The following EFCAB14 variants were observed in gnomAD, a reference collection of about 807,000 sequenced individuals.
EFCAB14 encodes the protein EF-hand calcium-binding domain-containing protein 14.
In EFCAB14, 43 loss-of-function variants were observed where a neutral mutation model predicts 56.5. The ratio of observed to expected loss-of-function variants is 0.76; its 90% CI spans 0.60 to 0.98. The LOEUF (loss-of-function observed/expected upper bound fraction) is 0.98. Among genes scored for constraint, EFCAB14 ranks in the 50% least tolerant of loss-of-function variants. The probability of loss-of-function intolerance (pLI) is 0.00; values close to 1 mark genes in which losing one functional copy is unlikely to be tolerated. For synonymous variants in EFCAB14, 235 were observed against 212.9 expected, an observed-to-expected ratio of 1.10 and a Z score of -0.90; for missense variants, 538 against 580.3, an observed-to-expected ratio of 0.93 and a Z score of 0.75.
At chr1:46,714,305 C>A (rs1677353708) in intron 2 of EFCAB14, among the ~76,000 whole-genome samples, 1 of 151,886 alleles carries the variant, frequency 6.6e-6, no homozygotes, top group South Asian at 2.1e-4. Flanking sequence ...CTTGAGAAAG[C>A]CTTGTGGTCA....
At chr1:46,681,309 G>A (rs896388639) in intron 10 of EFCAB14, among the ~76,000 whole-genome samples, 1 of 152,088 alleles carries the variant, frequency 6.6e-6, no homozygotes, top group East Asian at 1.9e-4. Flanking sequence ...TCAAATAGAA[G>A]ATTTAATATC....
chr1:46,717,808 C>T, intron 1 of EFCAB14, 95 bp downstream of exon 1: 4 of 1,378,336 alleles, frequency 2.9e-6, no homozygotes, highest in South Asian at 2.8e-5. Context: ...ACCCTTTTTT[C>T]TTCCTAAGGA....
chr1:46,716,073 C>A (rs376276776), intron 2 of EFCAB14, among the ~76,000 whole-genome samples: 226 of 151,852 alleles, frequency 1.5e-3, no homozygotes, highest in African/African-American at 5.3e-3. Context: ...CATGGTGAAA[C>A]CCCGTCTCTA....
At position 46,718,167 on chromosome 1, in the gene EFCAB14, G is replaced by A. The variant is rs1378662187; in HGVS notation, c.-80C>T. The A allele has an allele frequency of 5.4e-6, 8 of 1,490,972 alleles. No individual in the cohort carries two copies. The East Asian group carries it at 1.6e-4, about 30-fold the overall frequency. The allele number at this position is 1,490,972 out of a possible 1,614,324, so 92.4% of individuals were successfully genotyped here. The stretch of plus-strand genomic sequence containing the variant: ...GATGCCCAATTCTCTTCCTGCCTTG[G>A]AGCTGCCTTCCAGGGTTGGGAATCC... On this transcript the variant is annotated 5_prime_UTR_variant, in exon 1 of 11. Coordinates refer to ENST00000371933, the MANE Select transcript of EFCAB14 (RefSeq NM_014774.3).
chr1:46,715,482 T>G (rs144754380), intron 2 of EFCAB14, among the ~76,000 whole-genome samples: 67 of 152,308 alleles, frequency 4.4e-4, no homozygotes, highest in African/African-American at 1.6e-3. Context: ...TCCACAAATG[T>G]TAGCTACTCT....
intron 8 of EFCAB14, 195 bp downstream of exon 8, chr1:46,686,589 A>G: frequency 5.0e-6 from 3 of 596,306 alleles, no homozygotes; most frequent in South Asian, 3.9e-5. Flanking sequence ...AGCTCCTACT[A>G]AAGTGTTTGG....
intron 3 of EFCAB14, among the ~76,000 whole-genome samples, chr1:46,697,012 A>T (rs1370153640): frequency 1.3e-5 from 2 of 152,244 alleles, no homozygotes; most frequent in Admixed American, 6.5e-5. Context: ...ATGATGAAGG[A>T]TCACTTCAAA....
intron 9 of EFCAB14, chr1:46,684,165 GA>G: frequency 4.4e-6 from 1 of 227,124 alleles, no homozygotes; most frequent in Non-Finnish European, 8.6e-6. Flanking sequence ...TTACAGAAAG[GA>G]AAAGACTCTC....
intron 2 of EFCAB14, among the ~76,000 whole-genome samples, chr1:46,711,511 G>T: frequency 6.6e-6 from 1 of 152,330 alleles, no homozygotes; most frequent in South Asian, 2.1e-4. Flanking sequence ...TATGAGCCAA[G>T]AGGGGATCAC....
chr1:46,679,670 G>T (rs927702013), intron 10 of EFCAB14, among the ~76,000 whole-genome samples: 1 of 134,538 alleles, frequency 7.4e-6, no homozygotes, highest in African/African-American at 2.9e-5. Context: ...GAGTGCAGTG[G>T]TATGATCTTG....
chr1:46,685,195 C>T (rs1481525144), intron 8 of EFCAB14: 1 of 152,188 alleles, frequency 6.6e-6, no homozygotes, highest in East Asian at 1.9e-4. Context: ...CAAAGTCTTG[C>T]TTGCTCGTAT....
intron 3 of EFCAB14, among the ~76,000 whole-genome samples, chr1:46,706,127 A>C (rs1677230858): frequency 6.6e-6 from 1 of 152,152 alleles, no homozygotes; most frequent in Non-Finnish European, 1.5e-5. Context: ...TTGGCCTCCC[A>C]AAGTGTTGGG....
intron 9 of EFCAB14, 80 bp downstream of exon 9, chr1:46,684,411 G>C (rs1263415490): frequency 8.6e-7 from 1 of 1,159,986 alleles, no homozygotes; most frequent in African/African-American, 1.5e-5. Flanking sequence ...AGTACTGCTG[G>C]AACACCTTCC....
chr1:46,682,945 C>A (rs1676818771), intron 10 of EFCAB14, among the ~76,000 whole-genome samples: 1 of 152,124 alleles, frequency 6.6e-6, no homozygotes, highest in African/African-American at 2.4e-5. Flanking sequence ...TTGCTTAACC[C>A]TGGGAGGCAG....
chr1:46,716,248 CAAAAAAA>C (rs10718376), intron 2 of EFCAB14, 40 bp downstream of exon 2: 1,113 of 1,052,992 alleles, frequency 1.1e-3, no homozygotes, highest in Admixed American at 2.7e-3. Context: ...GACCCTGTCT[CAAAAAAA>C]AAAAAAAAAA....
chr1:46,686,922 ATTAAAACT>A, intron 7 of EFCAB14, 52 bp from the exon 8 acceptor site: 1 of 1,560,870 alleles, frequency 6.4e-7, no homozygotes, highest in Non-Finnish European at 8.8e-7. Context: ...AAAGGCAAAC[ATTAAAACT>A]TGAACACCTA....
chr1:46,710,907 C>G (rs979197796), intron 2 of EFCAB14, among the ~76,000 whole-genome samples: 8 of 152,166 alleles, frequency 5.3e-5, no homozygotes, highest in Admixed American at 3.9e-4. Context: ...GTTTAACTTT[C>G]CGTTCCCAGC....
intron 3 of EFCAB14, among the ~76,000 whole-genome samples, chr1:46,704,815 A>G (rs1185252070): frequency 6.6e-6 from 1 of 152,240 alleles, no homozygotes; most frequent in Non-Finnish European, 1.5e-5. Context: ...AATAAAACAG[A>G]AAAGTAAATT....
chr1:46,700,624 T>C (rs1368539873), intron 3 of EFCAB14, among the ~76,000 whole-genome samples: 1 of 152,228 alleles, frequency 6.6e-6, no homozygotes, highest in African/African-American at 2.4e-5. Context: ...GGAATATCCA[T>C]CAAAATTTGA....
Sources: allele counts gnomAD v4.1 joint callset (sites outside exome capture counted in the v4.1 genomes callset), GRCh38; gene constraint gnomAD v4.1.1; transcripts MANE v1.5; gene names NCBI Gene and HGNC (gene_info 2026-07-23, HGNC 2026-07-21).